The following STX18 variants were observed in gnomAD, a reference collection of about 807,000 sequenced individuals.
STX18 encodes the protein syntaxin 18, also known as syntaxin-18.
In STX18, 40 loss-of-function variants were observed where a neutral mutation model predicts 50.1. The observed-to-expected ratio is 0.80, with a 90% CI of 0.62 to 1.04. The LOEUF (loss-of-function observed/expected upper bound fraction) is 1.04, where lower values mean the gene tolerates loss of function less well. Among genes scored for constraint, STX18 ranks in the 50% least tolerant of loss-of-function variants. The pLI, the probability that STX18 is intolerant of heterozygous loss-of-function variation, is 0.00. For synonymous variants in STX18, 158 were observed against 151.8 expected (o/e 1.04, Z -0.30); for missense variants, 410 against 415.8 (o/e 0.99, Z 0.12).
In STX18 at chr4:4,424,786, G is replaced by A. The variant is rs554670432; in HGVS notation, c.761+378C>T. On this transcript the variant is annotated intron_variant, in intron 8 of 10. Transcript: ENST00000306200. ...CAGGCAGACCCCAGTGGAACCATTTGCAGAAGAGGGCTTCCCTTGGTTAGC... is the reference window on the plus strand; with the variant it reads ...CAGGCAGACCCCAGTGGAACCATTTACAGAAGAGGGCTTCCCTTGGTTAGC... Among the ~76,000 whole-genome samples, 11 of 152,326 alleles carry A rather than the reference G, an allele frequency of 7.2e-5. No individual in the cohort carries two copies. The East Asian group carries it at 2.1e-3, about 29-fold the overall frequency.
upstream of STX18, chr4:4,542,166 G>T: frequency 1.6e-6 from 1 of 609,610 alleles, no homozygotes; most frequent in Non-Finnish European, 2.6e-6. Flanking sequence ...GCACCTGGCG[G>T]AGGAGGAACC....
intron 7 of STX18, among the ~76,000 whole-genome samples, chr4:4,433,002 C>T (rs1480385441): frequency 6.6e-6 from 1 of 152,188 alleles, no homozygotes; most frequent in African/African-American, 2.4e-5. Context: ...CAGTGTGCCA[C>T]GCTGCTCCTG....
intron 1 of STX18, among the ~76,000 whole-genome samples, chr4:4,504,784 T>TA (rs1388920408): frequency 1.3e-5 from 2 of 152,010 alleles, no homozygotes; most frequent in South Asian, 2.1e-4. Context: ...ATAGCTGAAA[T>TA]AAAAAATACT....
At chr4:4,465,091 A>T (rs761224215) in intron 2 of STX18, among the ~76,000 whole-genome samples, 3 of 151,352 alleles carry the variant, frequency 2.0e-5, no homozygotes, top group Non-Finnish European at 4.4e-5. Flanking sequence ...CCCTTTTAAC[A>T]CTGTGTTAGC....
chr4:4,527,810 A>T (rs1372824521), intron 1 of STX18, among the ~76,000 whole-genome samples: 1 of 147,312 alleles, frequency 6.8e-6, no homozygotes, highest in Non-Finnish European at 1.5e-5. Context: ...ATATGTTTTT[A>T]TATATATATA....
intron 1 of STX18, among the ~76,000 whole-genome samples, chr4:4,529,145 C>T (rs529767425): frequency 1.2e-4 from 19 of 152,174 alleles, no homozygotes; most frequent in African/African-American, 4.3e-4. Context: ...GGGCGGATCA[C>T]GAGGTCAGGA....
chr4:4,456,721 G>C (rs1727097453), intron 5 of STX18, among the ~76,000 whole-genome samples: 1 of 152,214 alleles, frequency 6.6e-6, no homozygotes, highest in African/African-American at 2.4e-5. Flanking sequence ...TGGCCTGCTT[G>C]TTGTGCCCTC....
chr4:4,538,086 C>T (rs907725007), intron 1 of STX18, among the ~76,000 whole-genome samples: 2 of 146,666 alleles, frequency 1.4e-5, no homozygotes, highest in African/African-American at 5.1e-5. Flanking sequence ...AAAATGAACA[C>T]AAGGTCCTTT....
chr4:4,515,935 G>A (rs1730245859), intron 1 of STX18, among the ~76,000 whole-genome samples: 1 of 152,088 alleles, frequency 6.6e-6, no homozygotes, highest in Admixed American at 6.6e-5. Flanking sequence ...AGCTATAGCT[G>A]ATACAAAAGC....
chr4:4,532,945 T>C (rs937425333), intron 1 of STX18, among the ~76,000 whole-genome samples: 3 of 152,138 alleles, frequency 2.0e-5, no homozygotes, highest in African/African-American at 4.8e-5. Flanking sequence ...AGTGTCTCTC[T>C]CTTGGTTAAA....
At chr4:4,493,507 TA>T (rs1041084114) in intron 1 of STX18, among the ~76,000 whole-genome samples, 2 of 152,044 alleles carry the variant, frequency 1.3e-5, no homozygotes, top group Non-Finnish European at 2.9e-5. Context: ...CCTCTATGAT[TA>T]AAAAAAATTG....
At chr4:4,531,497 G>C (rs941792207) in intron 1 of STX18, among the ~76,000 whole-genome samples, 2 of 152,168 alleles carry the variant, frequency 1.3e-5, no homozygotes, top group African/African-American at 4.8e-5. Flanking sequence ...GATCGCCATT[G>C]ATGTTTGCCC....
chr4:4,538,161 C>T (rs1731426715), intron 1 of STX18, among the ~76,000 whole-genome samples: 2 of 151,348 alleles, frequency 1.3e-5, no homozygotes, highest in Non-Finnish European at 2.9e-5. Context: ...ACAGATTCTA[C>T]TGTTACTATA....
chr4:4,495,439 T>C (rs941800764), intron 1 of STX18, among the ~76,000 whole-genome samples: 3 of 152,122 alleles, frequency 2.0e-5, no homozygotes, highest in African/African-American at 7.2e-5. Context: ...CCCATGCTGC[T>C]GTGCTGTGAC....
At chr4:4,477,090 C>CAA (rs915291666) in intron 1 of STX18, among the ~76,000 whole-genome samples, 1 of 151,496 alleles carries the variant, frequency 6.6e-6, no homozygotes, top group Non-Finnish European at 1.5e-5. Context: ...CAAAACAAAA[C>CAA]AAAAAAACTA....
chr4:4,474,228 C>A (rs1728063482), intron 1 of STX18, among the ~76,000 whole-genome samples: 1 of 152,192 alleles, frequency 6.6e-6, no homozygotes, highest in Non-Finnish European at 1.5e-5. Context: ...ATTTCAGCAC[C>A]TGTTCCTTCA....
At chr4:4,510,333 T>C (rs1235620927) in intron 1 of STX18, among the ~76,000 whole-genome samples, 1 of 152,162 alleles carries the variant, frequency 6.6e-6, no homozygotes, top group African/African-American at 2.4e-5. Context: ...GAAAAAAAGA[T>C]TGTGTGTAAA....
chr4:4,440,841 C>T (rs1029757916), intron 5 of STX18, among the ~76,000 whole-genome samples: 1 of 152,136 alleles, frequency 6.6e-6, no homozygotes. Context: ...TGCCTTGAAA[C>T]AGTGAGATTT....
chr4:4,438,409 T>C lies in STX18; in HGVS notation c.598A>G (p.Thr200Ala), dbSNP rs2108789345. The C allele has an allele frequency of 6.2e-7, 1 of 1,612,046 alleles. No individual in the cohort carries two copies. The highest frequency in any genetic ancestry group is 8.5e-7 in the Non-Finnish European group (1 of 1,179,118). Reference sequence around the variant, plus strand: ...CAATTCGTACCTGGACGTTCTTCAGTGGCAGGGTTTTCTTCAGAGTCTTTT... The same window carrying C: ...CAATTCGTACCTGGACGTTCTTCAGCGGCAGGGTTTTCTTCAGAGTCTTTT... ...PSKDSEENPATEERPEKILAE... is the reference protein window; with the variant it reads ...PSKDSEENPAAEERPEKILAE... Residue 200 changes from threonine to alanine, a missense_variant, in exon 6 of 11, where the codon ACT (threonine) becomes GCT (alanine). Physicochemically the swap from Thr to Ala is moderately conservative, Grantham distance 58 (BLOSUM62 0). Coordinates refer to ENST00000306200, the MANE Select transcript of STX18 (RefSeq NM_016930.4).
Sources: allele counts gnomAD v4.1 joint callset (sites outside exome capture counted in the v4.1 genomes callset), GRCh38; gene constraint gnomAD v4.1.1; transcripts MANE v1.5; gene names NCBI Gene and HGNC (gene_info 2026-07-23, HGNC 2026-07-21).